Variants in SCNN1B observed in about 807,000 individuals in gnomAD.
SCNN1B encodes sodium channel epithelial 1 subunit beta, also known as epithelial sodium channel subunit beta.
In SCNN1B, 46 loss-of-function variants were observed where a neutral mutation model predicts 65.3. The ratio of observed to expected loss-of-function variants is 0.70; its 90% CI spans 0.56 to 0.90. The LOEUF (loss-of-function observed/expected upper bound fraction) is 0.90, where lower values mean the gene tolerates loss of function less well. Among genes scored for constraint, SCNN1B ranks in the 40% least tolerant of loss-of-function variants. SCNN1B has a pLI of 0.00. For synonymous variants in SCNN1B, 349 were observed against 330.6 expected (o/e 1.06, Z -0.60); for missense variants, 751 against 830.5 (o/e 0.90, Z 1.18).
chr16:23,305,552 A>AAAAATAT lies in SCNN1B; in HGVS notation c.-9+3115_-9+3116insAAAATAT, dbSNP rs1567290286. Among the ~76,000 whole-genome samples the AAAAATAT allele has an allele frequency of 1.6e-4, 6 of 37,592 alleles. No homozygotes were observed. In the African/African-American group the frequency reaches 1.9e-3, roughly 12 times the overall value. 24.7% of individuals were successfully genotyped at this position (37,592 alleles called of 152,430 possible). On this transcript the variant is annotated intron_variant, in intron 1 of 12. Transcript: ENST00000343070. The stretch of plus-strand genomic sequence containing the variant: ...ATATATATTATATATATATATATAT[A>AAAAATAT]TATATATATATATATATATATATAT...
At chr16:23,294,051 C>A (rs1248203601) in intron 2 of SCNN1B, among the ~76,000 whole-genome samples, 1 of 151,998 alleles carries the variant, frequency 6.6e-6, no homozygotes, top group Non-Finnish European at 1.5e-5. Context: ...AGGATCCCAC[C>A]TCACTCTGAT....
chr16:23,319,104 G>A (rs923261735), intron 1 of SCNN1B, among the ~76,000 whole-genome samples: 9 of 151,078 alleles, frequency 6.0e-5, no homozygotes, highest in African/African-American at 1.2e-4. Flanking sequence ...GCAGTGGCGC[G>A]ATCTCAGCTT....
At chr16:23,283,483 A>C (rs1960810198) in intron 1 of SCNN1B, among the ~76,000 whole-genome samples, 1 of 152,244 alleles carries the variant, frequency 6.6e-6, no homozygotes, top group Non-Finnish European at 1.5e-5. Context: ...AATTTATAAG[A>C]AGGTGTTGAA....
intron 2 of SCNN1B, among the ~76,000 whole-genome samples, chr16:23,294,341 G>T (rs1028517051): frequency 4.6e-5 from 7 of 152,154 alleles, no homozygotes; most frequent in African/African-American, 1.7e-4. Flanking sequence ...AGGTTGCAGT[G>T]AGCTGAGATT....
intron 2 of SCNN1B, among the ~76,000 whole-genome samples, chr16:23,288,926 C>T (rs972963388): frequency 1.8e-4 from 27 of 152,336 alleles, no homozygotes; most frequent in African/African-American, 6.5e-4. Flanking sequence ...CCGGAAGCCA[C>T]TCTCAGTTTC....
chr16:23,336,087 G>A (rs1961933251), intron 1 of SCNN1B, among the ~76,000 whole-genome samples: 1 of 152,156 alleles, frequency 6.6e-6, no homozygotes, highest in South Asian at 2.1e-4. Context: ...TGCCCCGTCT[G>A]AGCTAGTAGG....
intron 2 of SCNN1B, among the ~76,000 whole-genome samples, chr16:23,349,419 C>T (rs973492058): frequency 3.3e-5 from 5 of 152,000 alleles, no homozygotes; most frequent in African/African-American, 1.2e-4. Context: ...CCCAGGAGCT[C>T]GAGGCTGCAG....
intron 1 of SCNN1B, among the ~76,000 whole-genome samples, chr16:23,334,066 A>G (rs1961885349): frequency 6.6e-6 from 1 of 152,182 alleles, no homozygotes; most frequent in African/African-American, 2.4e-5. Context: ...CCTGCCCCAT[A>G]GAATGAGAGG....
chr16:23,348,774 T>C lies in SCNN1B; in HGVS notation c.175T>C (p.Phe59Leu). The change falls in exon 2 of 13, where the codon TTC becomes CTC. Residue 59 changes from phenylalanine (F) to leucine (L), a missense_variant. Physicochemically the swap from Phe to Leu is conservative, Grantham distance 22. Coordinates refer to ENST00000343070, the MANE Select transcript of SCNN1B (RefSeq NM_000336.3). This position sits in a 1 kb window ranked among gnomAD's most constrained non-coding sequence, Gnocchi z 4.5. ...KAMWFLLTLL[F>L]AALVCWQWGI... is the part of the protein sequence containing the mutation. ...CATGTGGTTCCTGCTCACCCTGCTC[T>C]TCGCCGCCCTCGTCTGCTGGCAGTG... 1.2e-6 allele frequency: 2 copies of C among 1,614,168 alleles called. No individual in the cohort carries two copies. Among genetic ancestry groups the C allele is most frequent in the Non-Finnish European group, 1.7e-6 (2 of 1,180,040 alleles).
chr16:23,350,650 C>T (rs771684137), intron 2 of SCNN1B, among the ~76,000 whole-genome samples: 16 of 151,610 alleles, frequency 1.1e-4, no homozygotes, highest in African/African-American at 2.2e-4. Context: ...CAGTGGCTCA[C>T]GCCTGTAATC....
chr16:23,363,078 C>T (rs1481375439), intron 4 of SCNN1B, among the ~76,000 whole-genome samples: 1 of 152,200 alleles, frequency 6.6e-6, no homozygotes, highest in African/African-American at 2.4e-5. Context: ...CTGACTCGCT[C>T]CCCACTCTCC....
intron 2 of SCNN1B, 63 bp from the exon 3 acceptor site, chr16:23,352,738 T>C: frequency 6.3e-7 from 1 of 1,584,036 alleles, no homozygotes; most frequent in Non-Finnish European, 8.7e-7. Context: ...GGGTCCCAGA[T>C]TTCATTTGCT....
chr16:23,370,427 G>T (rs1675776406), intron 5 of SCNN1B, among the ~76,000 whole-genome samples: 1 of 152,124 alleles, frequency 6.6e-6, no homozygotes, highest in African/African-American at 2.4e-5. Flanking sequence ...GTTTAATGAG[G>T]CCCTTAGCAC....
chr16:23,282,435 A>G (rs139960795), intron 1 of SCNN1B, among the ~76,000 whole-genome samples: 145 of 152,320 alleles, frequency 9.5e-4, no homozygotes, highest in African/African-American at 3.2e-3. Context: ...TGAGGCTAAG[A>G]GAGATTAGGT....
At chr16:23,292,086 G>A (rs2141970911) in intron 2 of SCNN1B, among the ~76,000 whole-genome samples, 1 of 151,844 alleles carries the variant, frequency 6.6e-6, no homozygotes, top group African/African-American at 2.4e-5. Context: ...CACCTCCACG[G>A]CTTTCACCCT....
At chr16:23,279,848 A>G (rs1960759312) in intron 1 of SCNN1B, among the ~76,000 whole-genome samples, 1 of 152,132 alleles carries the variant, frequency 6.6e-6, no homozygotes, top group Non-Finnish European at 1.5e-5. Flanking sequence ...CAGAGCTCCG[A>G]GCTCTCTCCA....
In SCNN1B at chr16:23,305,069, C is replaced by T. The variant is rs561293964; in HGVS notation, c.-9+2632C>T. ...ACACCCCAAGTACAGACCAGAGGGT[C>T]CTTTGCACTGAGCCCTGAGCCAAAG... On this transcript the variant is annotated intron_variant, in intron 1 of 12. Transcript: ENST00000343070. 2.0e-5 allele frequency among the ~76,000 whole-genome samples: 3 copies of T among 152,116 alleles called. No individual in the cohort carries two copies. In the South Asian group the frequency reaches 6.3e-4, roughly 32 times the overall value.
intron 1 of SCNN1B, among the ~76,000 whole-genome samples, chr16:23,316,938 C>T (rs953251038): frequency 6.6e-6 from 1 of 152,168 alleles, no homozygotes; most frequent in African/African-American, 2.4e-5. Context: ...ACCATTCTCA[C>T]CATCATCACC....
chr16:23,296,699 G>T (rs1961001938), intron 2 of SCNN1B, among the ~76,000 whole-genome samples: 1 of 152,136 alleles, frequency 6.6e-6, no homozygotes, highest in Admixed American at 6.6e-5. Context: ...GTGGCCTCGG[G>T]CAATGAGATC....
Sources: gnomAD v4.1 joint callset for allele counts (sites outside exome capture counted in the v4.1 genomes callset) on GRCh38, gnomAD v4.1.1 for gene constraint, Gnocchi (gnomAD v3.1) non-coding constraint, MANE v1.5 for transcripts, NCBI Gene and HGNC (gene_info 2026-07-23, HGNC 2026-07-21) for gene names.